Variants in PKDREJ observed in about 807,000 individuals in gnomAD.
PKDREJ encodes polycystin family receptor for egg jelly, also known as PKD and REJ homolog.
For missense variants in PKDREJ, 2,507 were observed against 2,807.2 expected (o/e 0.89, Z 2.42); for synonymous variants, 1,031 against 1,095.5 (o/e 0.94, Z 1.16).
Position 46,260,899 on chromosome 22 carries a change from A to G in PKDREJ, c.2424T>C (p.Thr808=). ...TATTAGACAAACTCATTAGTATTCC[A>G]GTACTCACGATTTCTATTTGTTCAG... ...FRSEQIEIVS[T]GILMSLSNIL... Residue 808 remains threonine (T), a synonymous_variant, in exon 1 of 1, where the codon ACT becomes ACC. Transcript: ENST00000253255. This position sits in a 1 kb window ranked among gnomAD's most constrained non-coding sequence, Gnocchi z 4.5. 6.2e-7 allele frequency: 1 copy of G among 1,613,892 alleles called. No individual in the cohort carries two copies. The highest frequency in any genetic ancestry group is 8.5e-7 in the Non-Finnish European group (1 of 1,179,726).
rs780054702 is a variant in PKDREJ, at chr22:46,258,075, C to T, written c.5248G>A (p.Asp1750Asn). The change falls in exon 1 of 1, where the codon GAT (aspartate) becomes AAT (asparagine). Residue 1750 changes from aspartate to asparagine, a missense_variant. By Grantham distance (23) the Asp-to-Asn change is conservative. Coordinates refer to ENST00000253255, the MANE Select transcript of PKDREJ (RefSeq NM_006071.2). This position sits in a 1 kb window ranked among gnomAD's most constrained non-coding sequence, Gnocchi z 6.1. ...NQFIRDRFSMDLATVTKLEDI... is the reference protein window; with the variant it reads ...NQFIRDRFSMNLATVTKLEDI... ...TCCAGCTTAGTCACAGTAGCAAGATCCATAGAGAACCGATCACGAATAAAC... is the reference window on the plus strand; with the variant it reads ...TCCAGCTTAGTCACAGTAGCAAGATTCATAGAGAACCGATCACGAATAAAC... 4.8e-5 allele frequency: 77 copies of T among 1,613,944 alleles called. No individual in the cohort carries two copies. The highest frequency in any genetic ancestry group is 6.2e-5 in the Non-Finnish European group (73 of 1,180,024).
In PKDREJ at chr22:46,263,160, C is replaced by A. The variant is rs1315066301; in HGVS notation, c.163G>T (p.Ala55Ser). The A allele has an allele frequency of 8.0e-7, 1 of 1,245,626 alleles. No homozygotes were observed. The highest frequency in any genetic ancestry group is 2.7e-5 in the South Asian group (1 of 36,686). The allele number at this position is 1,245,626 out of a possible 1,614,324, so 77.2% of individuals were successfully genotyped here. A position where few individuals can be genotyped will look rare whatever the true frequency, so the allele number is the denominator to read the frequency against. Residue 55 changes from alanine (A) to serine (S), a missense_variant, in exon 1 of 1, where the codon GCC (alanine) becomes TCC (serine). By Grantham distance (99) the Ala-to-Ser change is moderately conservative. Coordinates refer to ENST00000253255, the MANE Select transcript of PKDREJ (RefSeq NM_006071.2). This position sits in a 1 kb window ranked among gnomAD's most constrained non-coding sequence, Gnocchi z 9.4. ...APGLGVRGGR[A>S]LLSLRPSAVR... is the part of the protein sequence containing the mutation. ...GCGCTGGGCCGCAGACTGAGGAGGGCGCGGCCGCCGCGCACCCCGAGGCCC... is the reference window on the plus strand; with the variant it reads ...GCGCTGGGCCGCAGACTGAGGAGGGAGCGGCCGCCGCGCACCCCGAGGCCC...
rs1256731279 is a variant in PKDREJ, at chr22:46,261,117, G to C, written c.2206C>G (p.His736Asp). 1 of 1,614,146 alleles carries C rather than the reference G, an allele frequency of 6.2e-7. No homozygotes were observed. The highest frequency in any genetic ancestry group is 8.5e-7 in the Non-Finnish European group (1 of 1,180,008). The part of the protein sequence containing the change: ...LRDDRVNLRK[H>D]LIDQSFLLPV... ...AGAAGGAAAGACTGATCGATGAGGTGTTTTCGGAGATTGACTCTGTCATCT... is the reference window on the plus strand; with the variant it reads ...AGAAGGAAAGACTGATCGATGAGGTCTTTTCGGAGATTGACTCTGTCATCT... Residue 736 changes from histidine (H) to aspartate (D), a missense_variant, in exon 1 of 1, where the codon CAC becomes GAC. Coordinates refer to ENST00000253255, the MANE Select transcript of PKDREJ (RefSeq NM_006071.2). This position sits in a 1 kb window ranked among gnomAD's most constrained non-coding sequence, Gnocchi z 7.1.
In PKDREJ at chr22:46,259,977, C is replaced by G. The variant is rs1198584824; in HGVS notation, c.3346G>C (p.Glu1116Gln). The change falls in exon 1 of 1, where the codon GAG (glutamate) becomes CAG (glutamine). Residue 1116 changes from glutamate to glutamine, a missense_variant. By Grantham distance (29) the Glu-to-Gln change is conservative. Transcript: ENST00000253255. This position sits in a 1 kb window ranked among gnomAD's most constrained non-coding sequence, Gnocchi z 6.8. ...TTCTCACCAAGAATGCAATAACCCT[C>G]TCTCCATTCACTCTGGATCCCATAC... ...DMYGIQSEWR[E>Q]GYCILGEKTS... is the part of the protein sequence containing the mutation. 2 of 1,614,186 alleles carry G rather than the reference C, an allele frequency of 1.2e-6. No homozygotes were observed.
Position 46,259,375 on chromosome 22 carries a change from C to T in PKDREJ, c.3948G>A (p.Val1316=). 1 of 1,614,224 alleles carries T rather than the reference C, an allele frequency of 6.2e-7. No individual in the cohort carries two copies. The highest frequency in any genetic ancestry group is 2.2e-5 in the East Asian group (1 of 44,892). ...AAATGTGCCTGCTAAACAGATTTTC[C>T]ACTTTGATTCTACTTAAATACCAGC... is the stretch of plus-strand genomic sequence containing the variant. ...SPSWYLSRIK[V]ENLFSRHIWL... The change falls in exon 1 of 1, where the codon GTG becomes GTA. Residue 1316 remains valine (V), a synonymous_variant. Transcript: ENST00000253255. The surrounding 1 kb of genome is among the most constrained non-coding windows in gnomAD (Gnocchi z 6.8).
At position 46,258,409 on chromosome 22, in the gene PKDREJ, C is replaced by A. The variant is rs146045479; in HGVS notation, c.4914G>T (p.Thr1638=). 45 of 1,613,960 alleles carry A rather than the reference C, an allele frequency of 2.8e-5. No individual in the cohort carries two copies. Among genetic ancestry groups the A allele is most frequent in the Non-Finnish European group, 3.6e-5 (42 of 1,180,048 alleles). The change falls in exon 1 of 1, where the codon ACG becomes ACT. Residue 1638 remains threonine (T), a synonymous_variant. Coordinates refer to ENST00000253255, the MANE Select transcript of PKDREJ (RefSeq NM_006071.2). This position sits in a 1 kb window ranked among gnomAD's most constrained non-coding sequence, Gnocchi z 6.1. ...SKIILLSGFR[T]NKPKYCKNLS... is the part of the protein sequence containing the mutation. The stretch of plus-strand genomic sequence containing the variant: ...GGTTTTTGCAATACTTGGGTTTATT[C>A]GTTCTGAAGCCTGACAGGAGTATAA...
chr22:46,262,247 G>C lies in PKDREJ; in HGVS notation c.1076C>G (p.Ser359Cys). The C allele has an allele frequency of 6.2e-7, 1 of 1,614,178 alleles. No homozygotes were observed. Among genetic ancestry groups the C allele is most frequent in the Non-Finnish European group, 8.5e-7 (1 of 1,180,032 alleles). Residue 359 changes from serine (S) to cysteine (C), a missense_variant, in exon 1 of 1, where the codon TCC becomes TGC. Transcript: ENST00000253255. This position sits in a 1 kb window ranked among gnomAD's most constrained non-coding sequence, Gnocchi z 8.1. The stretch of plus-strand genomic sequence containing the variant: ...GTCCGCATCTGGGTCCGAGGACGTG[G>C]ACCCGTCCAGAATCAGCTGCTCTGT... ...NFTEQLILDG[S>C]TSSDPDADSP...
chr22:46,257,770 C>G lies in PKDREJ; in HGVS notation c.5553G>C (p.Glu1851Asp). Residue 1851 changes from glutamate to aspartate, a missense_variant, in exon 1 of 1, where the codon GAG becomes GAC. Coordinates refer to ENST00000253255, the MANE Select transcript of PKDREJ (RefSeq NM_006071.2). The surrounding 1 kb of genome is among the most constrained non-coding windows in gnomAD (Gnocchi z 4.7). ...WNEVDKQAID[E>D]STNGFTYKPQ... The stretch of plus-strand genomic sequence containing the variant: ...GCTTATAAGTAAATCCATTGGTACT[C>G]TCATCTATAGCCTGCTTATCAACTT... The G allele has an allele frequency of 6.2e-7, 1 of 1,614,154 alleles. No homozygotes were observed. Among genetic ancestry groups the G allele is most frequent in the Non-Finnish European group, 8.5e-7 (1 of 1,179,986 alleles).
rs765554563 is a variant in PKDREJ, at chr22:46,261,394, A to G, written c.1929T>C (p.Tyr643=). ...AGACCTGGGCATATATCTTCAAGCC[A>G]TATTGACTAGCCAACATACCAACAG... ...FLPVGMLASQ[Y]GLKIYAQVYD... The change falls in exon 1 of 1, where the codon TAT becomes TAC. Residue 643 remains tyrosine (Y), a synonymous_variant. Transcript: ENST00000253255. This position sits in a 1 kb window ranked among gnomAD's most constrained non-coding sequence, Gnocchi z 7.1. The G allele has an allele frequency of 6.2e-7, 1 of 1,614,134 alleles. No individual in the cohort carries two copies. Among genetic ancestry groups the G allele is most frequent in the South Asian group, 1.1e-5 (1 of 91,082 alleles).
Position 46,256,566 on chromosome 22 carries a change from C to A in PKDREJ, c.6757G>T (p.Val2253Phe). 3.7e-6 allele frequency: 6 copies of A among 1,610,878 alleles called. No homozygotes were observed. Among genetic ancestry groups the A allele is most frequent in the African/African-American group, 2.7e-5 (2 of 74,924 alleles). Reference sequence around the variant, plus strand: ...ACTCATGAAACCATCATTCATCAAACAACAAGGTAAACCATTTTCTTCCCG... The same window carrying A: ...ACTCATGAAACCATCATTCATCAAAAAACAAGGTAAACCATTTTCTTCCCG... ...INGKKMVYLV[V>F] The change falls in exon 1 of 1, where the codon GTT (valine) becomes TTT (phenylalanine). Residue 2253 changes from valine to phenylalanine, a missense_variant. By Grantham distance (50) the Val-to-Phe change is conservative (BLOSUM62 -1). Coordinates refer to ENST00000253255, the MANE Select transcript of PKDREJ (RefSeq NM_006071.2). The surrounding 1 kb of genome is among the most constrained non-coding windows in gnomAD (Gnocchi z 5.3).
Position 46,256,853 on chromosome 22 carries a change from A to T in PKDREJ, c.6470T>A (p.Leu2157Gln), listed in dbSNP as rs1328083059. ...GTTGATCAAGACGCAGATCATCACC[A>T]GCATGAAAGATGAGAGGAACAGGAC... ...LGVLFLSSFM[L>Q]VMICVLINLF... Residue 2157 changes from leucine to glutamine, a missense_variant, in exon 1 of 1, where the codon CTG becomes CAG. By Grantham distance (113) the Leu-to-Gln change is moderately radical. Coordinates refer to ENST00000253255, the MANE Select transcript of PKDREJ (RefSeq NM_006071.2). The surrounding 1 kb of genome is among the most constrained non-coding windows in gnomAD (Gnocchi z 5.3). 1 of 1,613,964 alleles carries T rather than the reference A, an allele frequency of 6.2e-7. No homozygotes were observed. The highest frequency in any genetic ancestry group is 2.2e-5 in the East Asian group (1 of 44,906).
rs752786400 is a variant in PKDREJ at position 46,262,394 on chromosome 22, G to A, written c.929C>T (p.Ser310Phe). The A allele has an allele frequency of 1.2e-6, 2 of 1,613,898 alleles. No individual in the cohort carries two copies. The highest frequency in any genetic ancestry group is 4.5e-5 in the East Asian group (2 of 44,904). The part of the protein sequence containing the change: ...WGVYVFNFTV[S>F]ITTGNPKMPE... ...CATCTTGGGGTTCCCTGTGGTGATG[G>A]ACACCGTGAAATTAAACACATACAC... Residue 310 changes from serine (S) to phenylalanine (F), a missense_variant, in exon 1 of 1, where the codon TCC becomes TTC. Transcript: ENST00000253255. The surrounding 1 kb of genome is among the most constrained non-coding windows in gnomAD (Gnocchi z 8.1).
rs770245964 is a variant in PKDREJ, at chr22:46,256,655, A to G, written c.6668T>C (p.Met2223Thr). The G allele has an allele frequency of 6.2e-7, 1 of 1,614,100 alleles. No individual in the cohort carries two copies. The change falls in exon 1 of 1, where the codon ATG becomes ACG. Residue 2223 changes from methionine (M) to threonine (T), a missense_variant. Coordinates refer to ENST00000253255, the MANE Select transcript of PKDREJ (RefSeq NM_006071.2). The surrounding 1 kb of genome is among the most constrained non-coding windows in gnomAD (Gnocchi z 5.3). The stretch of plus-strand genomic sequence containing the variant: ...GTTCTTCTCTGGCTGCCCATACAGC[A>G]TGTCAATAAAGAACTCAGGCTCATC... ...AKDEPEFFID[M>T]LYGQPEKNSH...
chr22:46,261,918 TTC>T lies in PKDREJ; in HGVS notation c.1403_1404del (p.Arg468LysfsTer6). ...GAAAATCTATCAGAGACAATGAAGT[TTC>T]TCTCACAATTTTCGATACATGTGAT... is the stretch of plus-strand genomic sequence containing the variant. ...AHITCIENCERNFIVSDRFSL... is the reference protein window; with the variant it reads ...AHITCIENCEXNFIVSDRFSL... On this transcript the variant is annotated frameshift_variant, in exon 1 of 1. Coordinates refer to ENST00000253255, the MANE Select transcript of PKDREJ (RefSeq NM_006071.2). LOFTEE classifies it low-confidence loss of function (END_TRUNC). This position sits in a 1 kb window ranked among gnomAD's most constrained non-coding sequence, Gnocchi z 7.1. The T allele has an allele frequency of 6.2e-7, 1 of 1,614,164 alleles. No individual in the cohort carries two copies. Among genetic ancestry groups the T allele is most frequent in the Non-Finnish European group, 8.5e-7 (1 of 1,180,036 alleles).
In PKDREJ at chr22:46,263,224, G is replaced by A; in HGVS notation, c.99C>T (p.Ala33=). The change falls in exon 1 of 1, where the codon GCC becomes GCT. Residue 33 remains alanine (A), a synonymous_variant. Transcript: ENST00000253255. The surrounding 1 kb of genome is among the most constrained non-coding windows in gnomAD (Gnocchi z 9.4). ...LPPVPRGAQA[A]VSGAPGGLLR... is the part of the protein sequence containing the mutation. ...GGAGGCCACCGGGCGCCCCGGAGAC[G>A]GCGGCTTGTGCCCCGCGAGGAACCG... 1 of 1,434,154 alleles carries A rather than the reference G, an allele frequency of 7.0e-7. No homozygotes were observed. The highest frequency in any genetic ancestry group is 9.1e-7 in the Non-Finnish European group (1 of 1,098,624). The allele number at this position is 1,434,154 out of a possible 1,614,324, so 88.8% of individuals were successfully genotyped here.
Position 46,257,138 on chromosome 22 carries a change from A to G in PKDREJ, c.6185T>C (p.Ile2062Thr), listed in dbSNP as rs745613435. 4 of 1,613,974 alleles carry G rather than the reference A, an allele frequency of 2.5e-6. No homozygotes were observed. In the South Asian group the frequency reaches 4.4e-5, roughly 18 times the overall value. ...TCTGGAATACCTGAGGGTCTTCAAA[A>G]TTGTCAGAAATAACAGGAAACCCAA... Reference protein sequence around the residue: ...IILGFLLFLTILKTLRYSRFF... With the variant: ...IILGFLLFLTTLKTLRYSRFF... The change falls in exon 1 of 1, where the codon ATT (isoleucine) becomes ACT (threonine). Residue 2062 changes from isoleucine (I) to threonine (T), a missense_variant. Coordinates refer to ENST00000253255, the MANE Select transcript of PKDREJ (RefSeq NM_006071.2). The surrounding 1 kb of genome is among the most constrained non-coding windows in gnomAD (Gnocchi z 4.7).
In PKDREJ at chr22:46,257,020, G is replaced by A. The variant is rs780429129; in HGVS notation, c.6303C>T (p.Phe2101=). 36 of 1,613,792 alleles carry A rather than the reference G, an allele frequency of 2.2e-5. No homozygotes were observed. The highest frequency in any genetic ancestry group is 3.3e-4 in the Middle Eastern group (2 of 6,084). ...CCAGGTAACCAAAAGCCATGTATACGAAGAAATACACGGACACAACAAATG... is the reference window on the plus strand; with the variant it reads ...CCAGGTAACCAAAAGCCATGTATACAAAGAAATACACGGACACAACAAATG... ...HMAFVVSVYF[F]VYMAFGYLVF... The change falls in exon 1 of 1, where the codon TTC becomes TTT. Residue 2101 remains phenylalanine (F), a synonymous_variant. Coordinates refer to ENST00000253255, the MANE Select transcript of PKDREJ (RefSeq NM_006071.2). This position sits in a 1 kb window ranked among gnomAD's most constrained non-coding sequence, Gnocchi z 4.7.
In PKDREJ at chr22:46,259,330, T is replaced by A; in HGVS notation, c.3993A>T (p.Lys1331Asn). 1 of 1,614,240 alleles carries A rather than the reference T, an allele frequency of 6.2e-7. No homozygotes were observed. The highest frequency in any genetic ancestry group is 8.5e-7 in the Non-Finnish European group (1 of 1,180,026). Residue 1331 changes from lysine (K) to asparagine (N), a missense_variant, in exon 1 of 1, where the codon AAA (lysine) becomes AAT (asparagine). Physicochemically the swap from Lys to Asn is moderately conservative, Grantham distance 94. Transcript: ENST00000253255. This position sits in a 1 kb window ranked among gnomAD's most constrained non-coding sequence, Gnocchi z 6.8. ...SRHIWLFICQ[K>N]WLSVDTTLDR... Reference sequence around the variant, plus strand: ...CCAAAGTGGTATCAACAGAAAGCCATTTCTGGCATATGAACAGCCAAATGT... The same window carrying A: ...CCAAAGTGGTATCAACAGAAAGCCAATTCTGGCATATGAACAGCCAAATGT...
chr22:46,256,295 C>CA lies in PKDREJ; in HGVS notation c.*265dup. ...ACAGGGTTGCCCTTGTACGGGGAGT[C>CA]ACATAACTCCCCTCTAAAGGGAAAT... is the stretch of plus-strand genomic sequence containing the variant. On this transcript the variant is annotated 3_prime_UTR_variant, in exon 1 of 1. Coordinates refer to ENST00000253255, the MANE Select transcript of PKDREJ (RefSeq NM_006071.2). The surrounding 1 kb of genome is among the most constrained non-coding windows in gnomAD (Gnocchi z 5.3). 1 of 472,052 alleles carries CA rather than the reference C, an allele frequency of 2.1e-6. No individual in the cohort carries two copies. The highest frequency in any genetic ancestry group is 3.7e-6 in the Non-Finnish European group (1 of 271,534). 29.2% of individuals were successfully genotyped at this position (472,052 alleles called of 1,614,324 possible). A position where few individuals can be genotyped will look rare whatever the true frequency, so the allele number is the denominator to read the frequency against.
Sources: gnomAD v4.1 joint callset for allele counts on GRCh38, gnomAD v4.1.1 for gene constraint, Gnocchi (gnomAD v3.1) non-coding constraint, MANE v1.5 for transcripts, NCBI Gene and HGNC (gene_info 2026-07-23, HGNC 2026-07-21) for gene names.